Variants in C8orf34 observed in about 807,000 individuals in gnomAD.
C8orf34 encodes the protein uncharacterized protein C8orf34.
Under a neutral mutation model 68.3 loss-of-function variants are expected in C8orf34, and 65 were observed. The observed-to-expected ratio is 0.95, with a 90% CI of 0.78 to 1.17. The LOEUF is 1.17. C8orf34 is among the 50% of genes most tolerant of loss of function. The probability of loss-of-function intolerance (pLI) is 0.00; values close to 1 mark genes in which losing one functional copy is unlikely to be tolerated. For missense variants in C8orf34, 664 were observed against 655.4 expected (o/e 1.01, Z -0.14); for synonymous variants, 244 against 241.2 (o/e 1.01, Z -0.11).
rs146405740 is a variant in C8orf34, at chr8:68,727,750, C to T, written c.1404+6313C>T. On this transcript the variant is annotated intron_variant, in intron 10 of 13. Coordinates refer to ENST00000518698, the MANE Select transcript of C8orf34 (RefSeq NM_052958.4). ...GGCTTCCACCCTCTGAAGCCACAGCCTGAGCTGTGCATCAGCCCCTTTCAG... is the reference window on the plus strand; with the variant it reads ...GGCTTCCACCCTCTGAAGCCACAGCTTGAGCTGTGCATCAGCCCCTTTCAG... Among the ~76,000 whole-genome samples, 1,039 of 152,340 alleles carry T rather than the reference C, an allele frequency of 6.8e-3. 16 individuals carry two copies. Among genetic ancestry groups the T allele is most frequent in the African/African-American group, 0.024 (982 of 41,596 alleles).
rs146415786 is a variant in C8orf34 at position 68,658,551 on chromosome 8, A to C, written c.1241+18040A>C. Among the ~76,000 whole-genome samples, 41 of 152,302 alleles carry C rather than the reference A, an allele frequency of 2.7e-4. No individual in the cohort carries two copies. The East Asian group carries it at 7.7e-3, about 29-fold the overall frequency. On this transcript the variant is annotated intron_variant, in intron 8 of 13. Transcript: ENST00000518698. ...AGAGACTCATAGCTATTCTATTTTTAGTAAGGTGTCCTGCCACTTTCTCTT... is the reference window on the plus strand; with the variant it reads ...AGAGACTCATAGCTATTCTATTTTTCGTAAGGTGTCCTGCCACTTTCTCTT...
chr8:68,602,040 C>T (rs1817713673), intron 7 of C8orf34, among the ~76,000 whole-genome samples: 1 of 152,104 alleles, frequency 6.6e-6, no homozygotes, highest in South Asian at 2.1e-4. Flanking sequence ...TGAGGAGAGC[C>T]AGCTCACTGC....
At chr8:68,639,667 T>A (rs907433045) in intron 7 of C8orf34, among the ~76,000 whole-genome samples, 1 of 152,168 alleles carries the variant, frequency 6.6e-6, no homozygotes, top group African/African-American at 2.4e-5. Flanking sequence ...CCTTGTTCTC[T>A]GAAAAAGTAG....
intron 10 of C8orf34, among the ~76,000 whole-genome samples, chr8:68,746,141 T>C (rs1247456164): frequency 6.6e-6 from 1 of 152,102 alleles, no homozygotes; most frequent in African/African-American, 2.4e-5. Context: ...GACTACTGGG[T>C]ACATAACGAA....
intron 7 of C8orf34, among the ~76,000 whole-genome samples, chr8:68,601,296 G>A (rs1027062301): frequency 2.0e-5 from 3 of 151,948 alleles, no homozygotes; most frequent in African/African-American, 7.3e-5. Context: ...TGTTTCTCAA[G>A]CATTATTTCT....
intron 8 of C8orf34, among the ~76,000 whole-genome samples, chr8:68,642,555 G>C (rs993576907): frequency 3.3e-5 from 5 of 152,146 alleles, no homozygotes; most frequent in African/African-American, 1.2e-4. Flanking sequence ...ACTACTTACA[G>C]CAATAACAAT....
intron 1 of C8orf34, among the ~76,000 whole-genome samples, chr8:68,394,087 A>G (rs79681606): frequency 1.3e-5 from 2 of 150,592 alleles, no homozygotes; most frequent in Non-Finnish European, 3.0e-5. Flanking sequence ...TAGGCATGCC[A>G]TTTTTTTTTT....
At chr8:68,794,462 G>T (rs1824106123) in intron 12 of C8orf34, among the ~76,000 whole-genome samples, 2 of 128,780 alleles carry the variant, frequency 1.6e-5, no homozygotes, top group South Asian at 4.6e-4. Context: ...ATGAATCATT[G>T]TGCCCAGTAT....
intron 7 of C8orf34, among the ~76,000 whole-genome samples, chr8:68,549,201 T>G (rs2130027801): frequency 6.6e-6 from 1 of 151,884 alleles, no homozygotes; most frequent in Middle Eastern, 3.4e-3. Context: ...ATTTTGAAAC[T>G]TCCAGCCTCC....
At chr8:68,402,075 C>T (rs763453203) in intron 1 of C8orf34, among the ~76,000 whole-genome samples, 1 of 152,042 alleles carries the variant, frequency 6.6e-6, no homozygotes, top group Non-Finnish European at 1.5e-5. Flanking sequence ...TTTTATTACT[C>T]CAATTTCGTT....
chr8:68,506,343 C>T (rs1814022291), intron 5 of C8orf34, among the ~76,000 whole-genome samples: 1 of 152,124 alleles, frequency 6.6e-6, no homozygotes, highest in Admixed American at 6.5e-5. Flanking sequence ...ATGAAAATTG[C>T]TTCTCATAGA....
intron 5 of C8orf34, among the ~76,000 whole-genome samples, chr8:68,495,598 C>T (rs1813490746): frequency 6.6e-6 from 1 of 152,146 alleles, no homozygotes; most frequent in East Asian, 1.9e-4. Context: ...AGCTCCAGAG[C>T]CTATGGCTCT....
At chr8:68,765,360 C>T (rs1823141779) in intron 10 of C8orf34, among the ~76,000 whole-genome samples, 1 of 152,224 alleles carries the variant, frequency 6.6e-6, no homozygotes, top group African/African-American at 2.4e-5. Context: ...CACCTTTGCA[C>T]CTTCTGACAG....
At chr8:68,680,058 C>T (rs991706781) in intron 8 of C8orf34, among the ~76,000 whole-genome samples, 2 of 152,046 alleles carry the variant, frequency 1.3e-5, no homozygotes, top group African/African-American at 4.8e-5. Flanking sequence ...GCTACCAAAG[C>T]AAAAATGGAC....
intron 8 of C8orf34, among the ~76,000 whole-genome samples, chr8:68,648,573 A>T (rs1420534563): frequency 6.6e-6 from 1 of 152,154 alleles, no homozygotes; most frequent in African/African-American, 2.4e-5. Flanking sequence ...GGGTGGTAAG[A>T]TGCTATTTGC....
At chr8:68,763,499 G>C (rs1823079790) in intron 10 of C8orf34, among the ~76,000 whole-genome samples, 1 of 151,752 alleles carries the variant, frequency 6.6e-6, no homozygotes, top group Non-Finnish European at 1.5e-5. Context: ...GTGTTTTTGG[G>C]TTACTCTCCA....
At chr8:68,776,203 T>C (rs1167609821) in intron 10 of C8orf34, among the ~76,000 whole-genome samples, 196 bp from the exon 11 acceptor site, 2 of 152,230 alleles carry the variant, frequency 1.3e-5, no homozygotes, top group East Asian at 1.9e-4. Context: ...AGCTATATTG[T>C]TGTTTTGCAA....
intron 7 of C8orf34, among the ~76,000 whole-genome samples, chr8:68,636,282 T>A (rs1393797956): frequency 6.6e-6 from 1 of 151,974 alleles, no homozygotes; most frequent in African/African-American, 2.4e-5. Context: ...GTTCTAATGC[T>A]GCATATGATC....
intron 1 of C8orf34, among the ~76,000 whole-genome samples, chr8:68,423,878 G>A (rs893661787): frequency 6.6e-6 from 1 of 152,114 alleles, no homozygotes; most frequent in African/African-American, 2.4e-5. Context: ...GGAAACAGGG[G>A]CAATGCCAGA....
Sources: allele counts gnomAD v4.1 joint callset (sites outside exome capture counted in the v4.1 genomes callset), GRCh38; gene constraint gnomAD v4.1.1; transcripts MANE v1.5; gene names NCBI Gene and HGNC (gene_info 2026-07-23, HGNC 2026-07-21).